The following DLGAP1 variants were observed in gnomAD, a reference collection of about 807,000 sequenced individuals.
DLGAP1 encodes disks large-associated protein 1.
Under a neutral mutation model 90.8 loss-of-function variants are expected in DLGAP1, and 11 were observed. The ratio of observed to expected loss-of-function variants is 0.12; its 90% CI spans 0.08 to 0.20. The LOEUF is 0.20. DLGAP1 is among the 10% of genes least tolerant of loss of function. DLGAP1 has a pLI of 1.00. For synonymous variants in DLGAP1, 558 were observed against 540.7 expected, an observed-to-expected ratio of 1.03 and a Z score of -0.44; for missense variants, 1,050 against 1,333.8, an observed-to-expected ratio of 0.79 and a Z score of 3.31.
Position 4,415,418 on chromosome 18 carries a change from TA to T in DLGAP1, c.-267+39587del, listed in dbSNP as rs374375053. The stretch of plus-strand genomic sequence containing the variant: ...ATATTAAAATTTATTACTTGCCTTA[TA>T]AAATAAACATTCAAAAAATGAAAAA... On this transcript the variant is annotated intron_variant, in intron 1 of 12. Coordinates refer to ENST00000315677, the MANE Select transcript of DLGAP1 (RefSeq NM_004746.4). Among the ~76,000 whole-genome samples, 20 of 152,254 alleles carry T rather than the reference TA, an allele frequency of 1.3e-4. No individual in the cohort carries two copies. The East Asian group carries it at 3.7e-3, about 28-fold the overall frequency.
chr18:3,984,349 G>A (rs1217632912), intron 3 of DLGAP1: 3 of 152,142 alleles, frequency 2.0e-5, no homozygotes, highest in African/African-American at 7.2e-5. Context: ...TGTCTCAGAG[G>A]TCATATCACC....
chr18:3,648,913 G>A (rs905027234), intron 7 of DLGAP1, among the ~76,000 whole-genome samples: 1 of 152,190 alleles, frequency 6.6e-6, no homozygotes, highest in African/African-American at 2.4e-5. Flanking sequence ...GGTAGGTTAT[G>A]GTGCTTGGGA....
chr18:4,054,647 A>T (rs2075185728), intron 2 of DLGAP1, among the ~76,000 whole-genome samples: 1 of 152,342 alleles, frequency 6.6e-6, no homozygotes, highest in South Asian at 2.1e-4. Flanking sequence ...TTTCTCAGAA[A>T]TTATACTGAA....
chr18:4,151,535 CTACAATA>C (rs1385301577), intron 1 of DLGAP1, among the ~76,000 whole-genome samples: 7 of 152,078 alleles, frequency 4.6e-5, no homozygotes, highest in African/African-American at 1.4e-4. Context: ...GCTTGATATT[CTACAATA>C]TACATTTCCT....
chr18:3,696,084 A>T (rs1476890648), intron 7 of DLGAP1, among the ~76,000 whole-genome samples: 1 of 152,226 alleles, frequency 6.6e-6, no homozygotes, highest in Non-Finnish European at 1.5e-5. Flanking sequence ...TATCAGCTTA[A>T]GGAGATTTTG....
intron 3 of DLGAP1, among the ~76,000 whole-genome samples, chr18:3,967,238 G>A (rs772723769): frequency 6.6e-6 from 1 of 152,160 alleles, no homozygotes; most frequent in South Asian, 2.1e-4. Context: ...CAAAACAGTC[G>A]CTGGGCTCCA....
At position 3,779,858 on chromosome 18, in the gene DLGAP1, C is replaced by G. The variant is rs147839574; in HGVS notation, c.1172+34201G>C. On this transcript the variant is annotated intron_variant, in intron 5 of 12. Transcript: ENST00000315677. ...AGGCTGGAGTGCAGTGGTGTGATCT[C>G]GGCTTACTGCAACCTCCACCTCCCG... Among the ~76,000 whole-genome samples, 220 of 148,644 alleles carry G rather than the reference C, an allele frequency of 1.5e-3. 5 individuals carry two copies. The East Asian group carries it at 0.04, about 27-fold the overall frequency.
At chr18:3,709,381 G>C (rs2061533595) in intron 7 of DLGAP1, among the ~76,000 whole-genome samples, 1 of 152,188 alleles carries the variant, frequency 6.6e-6, no homozygotes, top group African/African-American at 2.4e-5. Flanking sequence ...AAACCACAGA[G>C]CAGTATTGTG....
intron 7 of DLGAP1, among the ~76,000 whole-genome samples, chr18:3,650,664 C>T (rs1280297282): frequency 1.3e-5 from 2 of 152,170 alleles, no homozygotes; most frequent in Admixed American, 1.3e-4. Flanking sequence ...GTATTCCTGA[C>T]ACACTGCCAC....
At chr18:4,407,212 A>G (rs2082682010) in intron 1 of DLGAP1, among the ~76,000 whole-genome samples, 1 of 152,232 alleles carries the variant, frequency 6.6e-6, no homozygotes, top group Non-Finnish European at 1.5e-5. Context: ...AGGGAAAAAA[A>G]GTAGCATTTG....
At chr18:3,524,120 A>T (rs9962175) in intron 10 of DLGAP1, among the ~76,000 whole-genome samples, 35,038 of 151,702 alleles carry the variant, frequency 0.23, 4,115 homozygotes, top group Non-Finnish European at 0.27. Flanking sequence ...AAGAATTTTT[A>T]AAAAATTAGT....
In DLGAP1 at chr18:3,531,244, C is replaced by T. The variant is rs147351171; in HGVS notation, c.2479+2950G>A. On this transcript the variant is annotated intron_variant, in intron 10 of 12. Transcript: ENST00000315677. The stretch of plus-strand genomic sequence containing the variant: ...CTGAGGTCAGGAGTTCAAGACCAGA[C>T]TGGCCAACATGGTGAAACCCCGTCT... Among the ~76,000 whole-genome samples, 1,044 of 152,158 alleles carry T rather than the reference C, an allele frequency of 6.9e-3. 9 individuals carry two copies. The highest frequency in any genetic ancestry group is 0.024 in the African/African-American group (978 of 41,506).
chr18:3,592,407 G>A (rs1039955138), intron 7 of DLGAP1, among the ~76,000 whole-genome samples: 24 of 152,144 alleles, frequency 1.6e-4, no homozygotes, highest in Non-Finnish European at 2.5e-4. Flanking sequence ...GTCCTCCACC[G>A]GCAAAAATGC....
Position 3,741,173 on chromosome 18 carries a change from T to TCAC in DLGAP1, c.1350+1159_1350+1161dup, listed in dbSNP as rs576587206. Among the ~76,000 whole-genome samples, 5 of 23,502 alleles carry TCAC rather than the reference T, an allele frequency of 2.1e-4. No homozygotes were observed. The South Asian group carries it at 4.0e-3, about 19-fold the overall frequency. 15.4% of individuals were successfully genotyped at this position (23,502 alleles called of 152,430 possible). ...CATCACCACCACCATCACCACCACA[T>TCAC]CACCACCACCACCACCACCACCACC... On this transcript the variant is annotated intron_variant, in intron 6 of 12. Transcript: ENST00000315677.
At chr18:3,779,656 T>G (rs911905764) in intron 5 of DLGAP1, among the ~76,000 whole-genome samples, 1 of 152,104 alleles carries the variant, frequency 6.6e-6, no homozygotes, top group Non-Finnish European at 1.5e-5. Context: ...CCAGTTTAAA[T>G]CCCATCTCCT....
At chr18:3,949,493 TC>T (rs1429945653) in intron 3 of DLGAP1, among the ~76,000 whole-genome samples, 5 of 152,184 alleles carry the variant, frequency 3.3e-5, no homozygotes, top group Non-Finnish European at 7.3e-5. Flanking sequence ...TAATCTGTTT[TC>T]TAGCCCTTCC....
At chr18:4,049,487 ACCATAT>A (rs987327915) in intron 2 of DLGAP1, among the ~76,000 whole-genome samples, 1 of 152,080 alleles carries the variant, frequency 6.6e-6, no homozygotes, top group African/African-American at 2.4e-5. Context: ...CCAGCCTGCC[ACCATAT>A]CCCTGTTCTA....
intron 7 of DLGAP1, among the ~76,000 whole-genome samples, chr18:3,640,044 G>A (rs1567881067): frequency 6.6e-6 from 1 of 152,010 alleles, no homozygotes; most frequent in Non-Finnish European, 1.5e-5. Context: ...GTGAGCCACG[G>A]CACCCGGCCC....
intron 6 of DLGAP1, among the ~76,000 whole-genome samples, chr18:3,735,951 T>TCTAC (rs561704440): frequency 6.6e-6 from 1 of 150,434 alleles, no homozygotes; most frequent in African/African-American, 2.5e-5. Context: ...TCTTTCTCTC[T>TCTAC]ACACACACAC....
Sources: allele counts gnomAD v4.1 joint callset (sites outside exome capture counted in the v4.1 genomes callset), GRCh38; gene constraint gnomAD v4.1.1; transcripts MANE v1.5; gene names NCBI Gene and HGNC (gene_info 2026-07-23, HGNC 2026-07-21).